The following KCNJ15 variants were observed in gnomAD, a reference collection of about 807,000 sequenced individuals.
The protein encoded by KCNJ15 is potassium inwardly rectifying channel subfamily J member 15.
KCNJ15 carries 14 observed loss-of-function variants against 23.0 expected under a neutral mutation model. The ratio of observed to expected loss-of-function variants is 0.61; its 90% CI spans 0.40 to 0.95. KCNJ15 has a LOEUF of 0.95. KCNJ15 is among the 40% of genes least tolerant of loss of function. KCNJ15 has a pLI of 0.00. For synonymous variants in KCNJ15, 185 were observed against 183.2 expected (o/e 1.01, Z -0.08); for missense variants, 388 against 461.8 (o/e 0.84, Z 1.46).
chr21:38,237,982 T>C (rs534038054), intron 1 of KCNJ15: 39 of 191,766 alleles, frequency 2.0e-4, no homozygotes, highest in Non-Finnish European at 4.0e-4. Flanking sequence ...ACAATAACGA[T>C]AGAAAGCAAA....
At chr21:38,256,205 C>T (rs1441222086), upstream of KCNJ15, among the ~76,000 whole-genome samples, 3 of 151,778 alleles carry the variant, frequency 2.0e-5, no homozygotes, top group Non-Finnish European at 4.4e-5. Flanking sequence ...TTCCAGAGAT[C>T]TTCCATTAGA....
intron 1 of KCNJ15, among the ~76,000 whole-genome samples, chr21:38,295,326 T>C (rs1172117433): frequency 1.3e-5 from 2 of 152,208 alleles, no homozygotes; most frequent in Non-Finnish European, 2.9e-5. Context: ...GGTGTTAACA[T>C]TGGTCTCCAA....
intron 1 of KCNJ15, among the ~76,000 whole-genome samples, chr21:38,268,550 G>GAAAAAAAAAAAAAAAAAAAAAA: frequency 2.1e-5 from 1 of 47,234 alleles, no homozygotes; most frequent in Non-Finnish European, 5.1e-5. Flanking sequence ...CTTAAAATCT[G>GAAAAAAAAAAAAAAAAAAAAAA]AAAAAAAAAA....
At position 38,301,333 on chromosome 21, in the gene KCNJ15, T is replaced by G. The variant is rs1165891978; in HGVS notation, c.*944T>G. On this transcript the variant is annotated 3_prime_UTR_variant, in exon 3 of 3. Transcript: ENST00000398938. ...TGACTCTGTGTGGGTCCCGTATCCC[T>G]GTGGCATCCAGACCTGGCCTCTCTT... 6.0e-6 allele frequency: 1 copy of G among 167,144 alleles called. No individual in the cohort carries two copies. Among genetic ancestry groups the G allele is most frequent in the Non-Finnish European group, 1.5e-5 (1 of 68,136 alleles). 10.4% of individuals were successfully genotyped at this position (167,144 alleles called of 1,614,324 possible). A position where few individuals can be genotyped will look rare whatever the true frequency, so the allele number is the denominator to read the frequency against.
chr21:38,276,051 G>C (rs1982655737), intron 1 of KCNJ15, among the ~76,000 whole-genome samples: 2 of 152,038 alleles, frequency 1.3e-5, no homozygotes, highest in African/African-American at 4.8e-5. Context: ...AGTCTTGCCA[G>C]CTCACTGGTT....
intron 1 of KCNJ15, among the ~76,000 whole-genome samples, chr21:38,244,622 A>T (rs1410007906): frequency 6.6e-6 from 1 of 152,140 alleles, no homozygotes; most frequent in Non-Finnish European, 1.5e-5. Flanking sequence ...TCCAGTCTCC[A>T]ACTGCCTCCT....
rs1258887288 is a variant in KCNJ15, at chr21:38,306,287, A to G, written c.*5898A>G. On this transcript the variant is annotated 3_prime_UTR_variant, in exon 3 of 3. Coordinates refer to ENST00000398938, the MANE Select transcript of KCNJ15 (RefSeq NM_170736.3). ...AAAATTTCAAATTTCACCCTCAAAAATATTTCAGTAAATAAAAGTTAGATC... is the reference window on the plus strand; with the variant it reads ...AAAATTTCAAATTTCACCCTCAAAAGTATTTCAGTAAATAAAAGTTAGATC... The G allele has an allele frequency of 6.6e-6, 1 of 152,066 alleles. No homozygotes were observed. The highest frequency in any genetic ancestry group is 1.5e-5 in the Non-Finnish European group (1 of 68,012). 9.4% of individuals were successfully genotyped at this position (152,066 alleles called of 1,614,324 possible). A position where few individuals can be genotyped will look rare whatever the true frequency, so the allele number is the denominator to read the frequency against.
At chr21:38,279,604 G>A (rs1983108766) in intron 1 of KCNJ15, among the ~76,000 whole-genome samples, 1 of 152,182 alleles carries the variant, frequency 6.6e-6, no homozygotes. Context: ...CTCTGACCAA[G>A]TGGAGTGGTG....
chr21:38,284,421 C>A lies in KCNJ15; in HGVS notation c.-116-12505C>A, dbSNP rs575718976. On this transcript the variant is annotated intron_variant, in intron 1 of 2. Transcript: ENST00000398938. ...CTTCTTAACATCCACCTGTTGGAGA[C>A]GCCTGTTGACTCTGTCTGGGACCTG... Among the ~76,000 whole-genome samples the A allele has an allele frequency of 2.0e-5, 3 of 152,238 alleles. No individual in the cohort carries two copies. In the South Asian group the frequency reaches 6.2e-4, roughly 32 times the overall value.
chr21:38,281,659 A>C (rs898161055), intron 1 of KCNJ15, among the ~76,000 whole-genome samples: 3 of 152,166 alleles, frequency 2.0e-5, no homozygotes, highest in Admixed American at 6.5e-5. Context: ...AATTTTCTTT[A>C]TCCATTCTAC....
intron 1 of KCNJ15, among the ~76,000 whole-genome samples, chr21:38,267,959 C>T (rs944685371): frequency 1.3e-5 from 2 of 152,162 alleles, no homozygotes; most frequent in Non-Finnish European, 2.9e-5. Flanking sequence ...CACATAATTA[C>T]TGGAGACATG....
At chr21:38,278,656 G>A (rs113337169) in intron 1 of KCNJ15, among the ~76,000 whole-genome samples, 1 of 152,108 alleles carries the variant, frequency 6.6e-6, no homozygotes, top group South Asian at 2.1e-4. Context: ...ACCTAGAAAG[G>A]GTAACACCCC....
intron 1 of KCNJ15, among the ~76,000 whole-genome samples, chr21:38,240,755 A>G (rs920084113): frequency 6.6e-6 from 1 of 152,208 alleles, no homozygotes; most frequent in Non-Finnish European, 1.5e-5. Flanking sequence ...CTCTTTAAAA[A>G]ACAAAAAGAT....
chr21:38,304,662 C>CTTTTTTTTTTTTTTTTTTTTTTTT lies in KCNJ15; in HGVS notation c.*4281_*4304dup, dbSNP rs543096995. On this transcript the variant is annotated 3_prime_UTR_variant, in exon 3 of 3. Transcript: ENST00000398938. ...TTACCCTTTGTAAACTTCAATTTAT[C>CTTTTTTTTTTTTTTTTTTTTTTTT]TTTTTTTTTTTTTTTTTTTTTTTTT... The CTTTTTTTTTTTTTTTTTTTTTTTT allele has an allele frequency of 3.6e-5, 2 of 56,054 alleles. 1 individual carries two copies. The highest frequency in any genetic ancestry group is 7.1e-5 in the Non-Finnish European group (2 of 28,116). The allele number at this position is 56,054 out of a possible 1,614,324, so 3.5% of individuals were successfully genotyped here. A position where few individuals can be genotyped will look rare whatever the true frequency, so the allele number is the denominator to read the frequency against.
intron 1 of KCNJ15, among the ~76,000 whole-genome samples, chr21:38,279,934 G>T (rs1601208187): frequency 1.3e-5 from 2 of 152,172 alleles, no homozygotes; most frequent in African/African-American, 2.4e-5. Flanking sequence ...CTTCCTGAAA[G>T]TTCAATGTCT....
chr21:38,246,361 G>A (rs892061180), intron 1 of KCNJ15, among the ~76,000 whole-genome samples: 8 of 152,204 alleles, frequency 5.3e-5, no homozygotes, highest in African/African-American at 1.9e-4. Flanking sequence ...AGGAGTATTG[G>A]TTACTGTTGG....
chr21:38,288,026 CTTTGTTTTTTTTTTTTTT>C (rs1393674260), intron 1 of KCNJ15, among the ~76,000 whole-genome samples: 2 of 78,206 alleles, frequency 2.6e-5, no homozygotes, highest in East Asian at 8.0e-4. Context: ...TTGTTTTTTT[CTTTGTTTTTTTTTTTTTT>C]TTTTTTTTTT....
chr21:38,264,878 C>T (rs972094813), intron 1 of KCNJ15, among the ~76,000 whole-genome samples: 1 of 152,034 alleles, frequency 6.6e-6, no homozygotes, highest in Non-Finnish European at 1.5e-5. Flanking sequence ...AGAAAACATG[C>T]AGGTTATTTT....
chr21:38,300,509 C>A lies in KCNJ15; in HGVS notation c.*120C>A. 1.3e-6 allele frequency: 1 copy of A among 765,708 alleles called. No individual in the cohort carries two copies. Among genetic ancestry groups the A allele is most frequent in the Non-Finnish European group, 2.1e-6 (1 of 478,338 alleles). The allele number at this position is 765,708 out of a possible 1,614,324, so 47.4% of individuals were successfully genotyped here. On this transcript the variant is annotated 3_prime_UTR_variant, in exon 3 of 3. Coordinates refer to ENST00000398938, the MANE Select transcript of KCNJ15 (RefSeq NM_170736.3). ...GACGCACTCTCAAAAACTGCACGGA[C>A]ATACAAAATCAATCTTTTCCTTTGA...
Sources: gnomAD v4.1 joint callset for allele counts (sites outside exome capture counted in the v4.1 genomes callset) on GRCh38, gnomAD v4.1.1 for gene constraint, MANE v1.5 for transcripts, NCBI Gene and HGNC (gene_info 2026-07-23, HGNC 2026-07-21) for gene names.